The following SLC7A1 variants were observed in gnomAD, a reference collection of about 807,000 sequenced individuals.
SLC7A1 encodes the protein high affinity cationic amino acid transporter 1.
A neutral mutation model predicts 53.9 loss-of-function variants in SLC7A1; 10 were observed. That is an observed-to-expected ratio of 0.19 (90% confidence interval 0.11 to 0.31). SLC7A1 has a LOEUF of 0.31. Ranked by LOEUF, SLC7A1 falls within the 10% of genes least tolerant of loss-of-function variation. The probability of loss-of-function intolerance (pLI) is 1.00; values close to 1 mark genes in which losing one functional copy is unlikely to be tolerated. For synonymous variants in SLC7A1, 342 were observed against 338.7 expected, an observed-to-expected ratio of 1.01 and a Z score of -0.11; for missense variants, 525 against 827.2, an observed-to-expected ratio of 0.63 and a Z score of 4.48.
intron 1 of SLC7A1, among the ~76,000 whole-genome samples, chr13:29,566,053 G>A (rs1221171123): frequency 3.3e-5 from 5 of 152,044 alleles, no homozygotes; most frequent in Admixed American, 6.5e-5. Context: ...GGACTGTTTC[G>A]CCAAAACCCA....
intron 11 of SLC7A1, 116 bp downstream of exon 11, chr13:29,517,028 A>G: frequency 3.1e-6 from 3 of 953,556 alleles, no homozygotes; most frequent in Non-Finnish European, 4.5e-6. Context: ...GAAGCTGGCT[A>G]GCAAAAACCT....
At chr13:29,528,122 C>T (rs1332538743) in intron 5 of SLC7A1, among the ~76,000 whole-genome samples, 1 of 152,258 alleles carries the variant, frequency 6.6e-6, no homozygotes, top group Non-Finnish European at 1.5e-5. Context: ...GGCGCCTGGC[C>T]TGGATTCCTG....
intron 11 of SLC7A1, among the ~76,000 whole-genome samples, chr13:29,516,523 C>T (rs924432283): frequency 6.6e-6 from 1 of 152,180 alleles, no homozygotes; most frequent in Non-Finnish European, 1.5e-5. Context: ...TTCTCTGTTG[C>T]GATTCTCCTG....
At chr13:29,583,952 G>A (rs572046725) in intron 1 of SLC7A1, among the ~76,000 whole-genome samples, 5 of 152,260 alleles carry the variant, frequency 3.3e-5, no homozygotes, top group African/African-American at 1.2e-4. Flanking sequence ...AAACCTAGCT[G>A]CTGAAACTGT....
intron 8 of SLC7A1, among the ~76,000 whole-genome samples, chr13:29,520,297 C>T (rs910264932): frequency 3.0e-4 from 46 of 152,198 alleles, no homozygotes; most frequent in African/African-American, 1.1e-3. Context: ...CCTGAGTGTA[C>T]CCCACCAAGA....
intron 1 of SLC7A1, among the ~76,000 whole-genome samples, chr13:29,591,855 C>T (rs1310472570): frequency 2.0e-5 from 3 of 152,122 alleles, no homozygotes; most frequent in South Asian, 2.1e-4. Context: ...TTTTGGTTGC[C>T]GTGGTCAGAA....
chr13:29,516,073 C>T, intron 12 of SLC7A1, 65 bp downstream of exon 12: 1 of 958,520 alleles, frequency 1.0e-6, no homozygotes, highest in Non-Finnish European at 1.6e-6. Context: ...GTTATGAAAT[C>T]TGAAACAAGG....
chr13:29,514,483 C>T lies in SLC7A1; in HGVS notation c.1887G>A (p.Lys629=). Residue 629 remains lysine, a synonymous_variant, in exon 13 of 13, where the codon AAG becomes AAA. Transcript: ENST00000380752. ...RTPDGNLDQC[K] ...CTCCGGGGGGCGGGGCTGTGCGTCA[C>T]TTGCACTGGTCCAAGTTGCCGTCAG... 1.2e-6 allele frequency: 2 copies of T among 1,608,526 alleles called. No individual in the cohort carries two copies. Among genetic ancestry groups the T allele is most frequent in the Non-Finnish European group, 1.7e-6 (2 of 1,179,466 alleles).
chr13:29,528,089 G>A (rs189719860), intron 5 of SLC7A1, among the ~76,000 whole-genome samples: 10 of 152,358 alleles, frequency 6.6e-5, no homozygotes, highest in Admixed American at 3.3e-4. Flanking sequence ...GACTGGAGCT[G>A]GAGAAGCCGC....
chr13:29,517,173 G>A lies in SLC7A1; in HGVS notation c.1648C>T (p.Pro550Ser). ...AATGAGAGCTTGGTCTTGCTCTCGG[G>A]CTGCCTCCAGATGACGCCCGTGACC... is the stretch of plus-strand genomic sequence containing the variant. ...AVVTGVIWRQPESKTKLSFKV... is the reference protein window; with the variant it reads ...AVVTGVIWRQSESKTKLSFKV... The change falls in exon 11 of 13, where the codon CCC (proline) becomes TCC (serine). Residue 550 changes from proline to serine, a missense_variant. This residue lies in a region of SLC7A1 where 122 missense variants were observed against 140.9 expected (regional missense o/e 0.87). Transcript: ENST00000380752. 1.2e-6 allele frequency: 2 copies of A among 1,611,346 alleles called. No homozygotes were observed. The highest frequency in any genetic ancestry group is 2.2e-5 in the East Asian group (1 of 44,856).
intron 1 of SLC7A1, among the ~76,000 whole-genome samples, chr13:29,566,882 C>T (rs540313060): frequency 1.3e-5 from 2 of 152,336 alleles, no homozygotes; most frequent in African/African-American, 2.4e-5. Context: ...TATTCAAGTT[C>T]GGTTGCTAAG....
intron 1 of SLC7A1, among the ~76,000 whole-genome samples, chr13:29,594,845 G>A (rs1872242978): frequency 6.6e-6 from 1 of 152,178 alleles, no homozygotes; most frequent in Non-Finnish European, 1.5e-5. Flanking sequence ...CCACCGGGCG[G>A]GGATGGCAGC....
chr13:29,535,460 C>A (rs1245901039), intron 3 of SLC7A1, among the ~76,000 whole-genome samples: 2 of 152,166 alleles, frequency 1.3e-5, no homozygotes, highest in African/African-American at 4.8e-5. Context: ...CATGGGATCC[C>A]TAGTATCTAG....
intron 1 of SLC7A1, among the ~76,000 whole-genome samples, chr13:29,556,004 G>A (rs973248057): frequency 3.9e-5 from 6 of 152,056 alleles, no homozygotes; most frequent in African/African-American, 7.2e-5. Context: ...ATTCCACAGC[G>A]GAACCCACGA....
chr13:29,583,946 C>A (rs1407966226), intron 1 of SLC7A1, among the ~76,000 whole-genome samples: 1 of 152,026 alleles, frequency 6.6e-6, no homozygotes, highest in Non-Finnish European at 1.5e-5. Context: ...AACAAAAAAC[C>A]TAGCTGCTGA....
chr13:29,578,652 C>T (rs536495589), intron 1 of SLC7A1, among the ~76,000 whole-genome samples: 23 of 152,354 alleles, frequency 1.5e-4, no homozygotes, highest in East Asian at 9.7e-4. Context: ...GGAGAGGACA[C>T]GGCAAGCTAC....
intron 1 of SLC7A1, among the ~76,000 whole-genome samples, chr13:29,556,463 G>A (rs532581735): frequency 2.1e-4 from 32 of 151,978 alleles, no homozygotes; most frequent in Non-Finnish European, 3.8e-4. Flanking sequence ...CTGCTGCCTC[G>A]ACCTCCCTAG....
At chr13:29,550,332 T>C (rs1039762989) in intron 2 of SLC7A1, among the ~76,000 whole-genome samples, 1 of 152,136 alleles carries the variant, frequency 6.6e-6, no homozygotes, top group Non-Finnish European at 1.5e-5. Flanking sequence ...TGTAGAAGAC[T>C]TAAAATCAGG....
chr13:29,529,705 T>C (rs574974586), intron 5 of SLC7A1, among the ~76,000 whole-genome samples: 25 of 152,310 alleles, frequency 1.6e-4, no homozygotes, highest in East Asian at 7.7e-4. Context: ...CCACACTCCA[T>C]TGTGGCAGTT....
Sources: allele counts gnomAD v4.1 joint callset (sites outside exome capture counted in the v4.1 genomes callset), GRCh38; gene constraint gnomAD v4.1.1; regional missense constraint gnomAD v4.1.1; transcripts MANE v1.5; gene names NCBI Gene and HGNC (gene_info 2026-07-23, HGNC 2026-07-21).